TTC28: variants seen among roughly 807,000 people sequenced by gnomAD.
TTC28 encodes the protein tetratricopeptide repeat domain 28, also known as tetratricopeptide repeat protein 28.
A neutral mutation model predicts 198.0 loss-of-function variants in TTC28; 61 were observed. That is an observed-to-expected ratio of 0.31 (90% CI 0.25 to 0.38). The LOEUF is 0.38. Among genes scored for constraint, TTC28 ranks in the 10% least tolerant of loss-of-function variants. The probability of loss-of-function intolerance (pLI) is 1.00; values close to 1 mark genes in which losing one functional copy is unlikely to be tolerated. For synonymous variants in TTC28, 1,171 were observed against 1,297.8 expected (o/e 0.90, Z 2.10); for missense variants, 2,678 against 3,164.0 (o/e 0.85, Z 3.69).
intron 1 of TTC28, among the ~76,000 whole-genome samples, chr22:28,672,793 T>C (rs943702754): frequency 4.6e-5 from 7 of 152,220 alleles, no homozygotes; most frequent in South Asian, 2.1e-4. Flanking sequence ...GTAGGTGTTG[T>C]AGTATGGCTG....
chr22:28,490,013 C>T (rs1764128520), intron 2 of TTC28, among the ~76,000 whole-genome samples: 2 of 152,092 alleles, frequency 1.3e-5, no homozygotes, highest in Admixed American at 6.6e-5. Flanking sequence ...GCATCCAGCA[C>T]GGGAGAAAGA....
intron 12 of TTC28, among the ~76,000 whole-genome samples, chr22:28,055,883 T>C (rs977871163): frequency 1.3e-5 from 2 of 152,152 alleles, no homozygotes; most frequent in Admixed American, 6.5e-5. Flanking sequence ...GCCACCATTC[T>C]AATGTGTTTA....
At chr22:28,053,881 C>G (rs779571126) in intron 12 of TTC28, among the ~76,000 whole-genome samples, 1 of 152,024 alleles carries the variant, frequency 6.6e-6, no homozygotes, top group Non-Finnish European at 1.5e-5. Flanking sequence ...TCCTTTAGAG[C>G]AAAAAATAAT....
chr22:28,361,362 G>A (rs2046156449), intron 2 of TTC28, among the ~76,000 whole-genome samples: 1 of 152,156 alleles, frequency 6.6e-6, no homozygotes, highest in African/African-American at 2.4e-5. Context: ...CAGCCTTATT[G>A]TTGATATGGA....
At chr22:28,250,115 A>C (rs1003569323) in intron 5 of TTC28, among the ~76,000 whole-genome samples, 14 of 152,212 alleles carry the variant, frequency 9.2e-5, no homozygotes, top group Non-Finnish European at 2.1e-4. Context: ...CAATATTTCA[A>C]AAGGAAATAT....
chr22:28,166,608 T>C (rs1921990559), intron 5 of TTC28, among the ~76,000 whole-genome samples: 1 of 152,170 alleles, frequency 6.6e-6, no homozygotes, highest in African/African-American at 2.4e-5. Flanking sequence ...GAAATAAAGA[T>C]GTTTTTTGAA....
intron 1 of TTC28, among the ~76,000 whole-genome samples, chr22:28,647,666 C>T (rs1306803771): frequency 1.3e-4 from 20 of 150,952 alleles, no homozygotes; most frequent in Admixed American, 1.2e-3. Context: ...GGTGAAACCC[C>T]GTCTCTACTA....
chr22:28,406,982 T>TA lies in TTC28; in HGVS notation c.382-100340dup, dbSNP rs2047006959. ...ACACCCTAGAAATTCTAACCTGTCT[T>TA]AAAGAGGTATGTGGCCTGCCTGAAG... On this transcript the variant is annotated intron_variant, in intron 2 of 22. Coordinates refer to ENST00000397906, the MANE Select transcript of TTC28 (RefSeq NM_001145418.2). Among the ~76,000 whole-genome samples, 3 of 152,172 alleles carry TA rather than the reference T, an allele frequency of 2.0e-5. No homozygotes were observed. In the South Asian group the frequency reaches 6.2e-4, roughly 32 times the overall value.
intron 2 of TTC28, among the ~76,000 whole-genome samples, chr22:28,603,139 A>C (rs1219268670): frequency 2.6e-5 from 4 of 152,162 alleles, no homozygotes; most frequent in Admixed American, 2.6e-4. Flanking sequence ...TCGGCTTCCC[A>C]AAGTGCTGGG....
intron 5 of TTC28, among the ~76,000 whole-genome samples, chr22:28,286,807 C>G (rs761421656): frequency 7.2e-5 from 11 of 152,016 alleles, no homozygotes; most frequent in Non-Finnish European, 1.3e-4. Context: ...TGCACACACA[C>G]ACACACAAAA....
At chr22:28,417,139 A>C (rs775152948) in intron 2 of TTC28, among the ~76,000 whole-genome samples, 7 of 151,768 alleles carry the variant, frequency 4.6e-5, no homozygotes, top group Non-Finnish European at 1.0e-4. Context: ...TTGTAATCCC[A>C]TCACTTTGGG....
chr22:28,302,336 C>A (rs952554829), intron 3 of TTC28, among the ~76,000 whole-genome samples: 3 of 152,108 alleles, frequency 2.0e-5, no homozygotes, highest in African/African-American at 7.2e-5. Flanking sequence ...ATAAAGAGGA[C>A]CTTAGGTACT....
At chr22:28,466,479 T>A (rs1027336476) in intron 2 of TTC28, among the ~76,000 whole-genome samples, 1 of 152,294 alleles carries the variant, frequency 6.6e-6, no homozygotes, top group African/African-American at 2.4e-5. Flanking sequence ...ATATAAGATA[T>A]GGTATGCCAA....
intron 6 of TTC28, among the ~76,000 whole-genome samples, chr22:28,156,142 C>G (rs559789617): frequency 4.9e-4 from 74 of 152,286 alleles, no homozygotes; most frequent in African/African-American, 1.6e-3. Flanking sequence ...TGTCTATGTC[C>G]TAATCTCCAG....
intron 2 of TTC28, among the ~76,000 whole-genome samples, chr22:28,518,565 AC>A (rs2048837756): frequency 6.6e-6 from 1 of 152,148 alleles, no homozygotes. Context: ...ACTATGATTC[AC>A]CACTGCACTA....
intron 2 of TTC28, among the ~76,000 whole-genome samples, chr22:28,544,219 A>G (rs2049487794): frequency 6.6e-6 from 1 of 152,206 alleles, no homozygotes; most frequent in African/African-American, 2.4e-5. Flanking sequence ...CTCCGTCTCA[A>G]AAAAACAAAA....
At chr22:28,375,252 T>C (rs1051734352) in intron 2 of TTC28, among the ~76,000 whole-genome samples, 1 of 152,228 alleles carries the variant, frequency 6.6e-6, no homozygotes, top group Admixed American at 6.5e-5. Context: ...CCATTTATTA[T>C]GCCTGAACTA....
intron 5 of TTC28, among the ~76,000 whole-genome samples, chr22:28,234,284 C>T (rs947341892): frequency 6.6e-6 from 1 of 152,012 alleles, no homozygotes; most frequent in South Asian, 2.1e-4. Context: ...TCAGGCAATC[C>T]GCCTGCCTGG....
intron 5 of TTC28, among the ~76,000 whole-genome samples, chr22:28,290,504 A>G (rs2044767488): frequency 6.6e-6 from 1 of 152,214 alleles, no homozygotes; most frequent in Admixed American, 6.5e-5. Context: ...TTTGCATTAC[A>G]AGAGAATCAA....
Sources: allele counts gnomAD v4.1 joint callset (sites outside exome capture counted in the v4.1 genomes callset), GRCh38; gene constraint gnomAD v4.1.1; transcripts MANE v1.5; gene names NCBI Gene and HGNC (gene_info 2026-07-23, HGNC 2026-07-21).